UBE2E1: variants seen among roughly 807,000 people sequenced by gnomAD.
The protein encoded by UBE2E1 is ubiquitin-conjugating enzyme E2 E1.
UBE2E1 carries 6 observed loss-of-function variants against 21.4 expected under a neutral mutation model. The ratio of observed to expected loss-of-function variants is 0.28; its 90% CI spans 0.15 to 0.55. The LOEUF is 0.55. UBE2E1 is among the 20% of genes least tolerant of loss of function. The pLI is 0.93. For missense variants in UBE2E1, 142 were observed against 236.5 expected, an observed-to-expected ratio of 0.60 and a Z score of 2.62; for synonymous variants, 87 against 82.7, an observed-to-expected ratio of 1.05 and a Z score of -0.28.
chr3:23,817,421 CAAA>C (rs369690021), intron 3 of UBE2E1, among the ~76,000 whole-genome samples: 1 of 42,358 alleles, frequency 2.4e-5, no homozygotes, highest in Non-Finnish European at 5.0e-5. Context: ...GACTCTGTCT[CAAA>C]AAAAAAAAAA....
At chr3:23,828,231 T>A (rs1699796062) in intron 3 of UBE2E1, among the ~76,000 whole-genome samples, 1 of 152,240 alleles carries the variant, frequency 6.6e-6, no homozygotes, top group Non-Finnish European at 1.5e-5. Flanking sequence ...TTAGTAGTAG[T>A]TGTATAAATG....
chr3:23,860,834 A>G (rs1479117102), intron 3 of UBE2E1, among the ~76,000 whole-genome samples: 1 of 152,250 alleles, frequency 6.6e-6, no homozygotes, highest in Non-Finnish European at 1.5e-5. Flanking sequence ...ATATAATAGT[A>G]AATGAATTCA....
At chr3:23,858,534 G>C (rs1249602199) in intron 3 of UBE2E1, among the ~76,000 whole-genome samples, 1 of 152,062 alleles carries the variant, frequency 6.6e-6, no homozygotes, top group Non-Finnish European at 1.5e-5. Context: ...TGGTCAGGCT[G>C]GTCTTGAACT....
rs1380589735 is a variant in UBE2E1, at chr3:23,876,757, T to C, written c.204-10810T>C. Among the ~76,000 whole-genome samples the C allele has an allele frequency of 6.6e-6, 1 of 152,144 alleles. No individual in the cohort carries two copies. Among genetic ancestry groups the C allele is most frequent in the African/African-American group, 2.4e-5 (1 of 41,432 alleles). Reference sequence around the variant, plus strand: ...TAAATAATATTAATGGTAATTTAAATCTAGAAAATCAGAACTGTGGCTCAC... The same window carrying C: ...TAAATAATATTAATGGTAATTTAAACCTAGAAAATCAGAACTGTGGCTCAC... On this transcript the variant is annotated intron_variant, in intron 3 of 5. Transcript: ENST00000306627. The surrounding 1 kb of genome is among the most constrained non-coding windows in gnomAD (Gnocchi z 4.3).
rs1015232621 is a variant in UBE2E1, at chr3:23,816,708, A to G, written c.203+5198A>G. Among the ~76,000 whole-genome samples, 4 of 151,056 alleles carry G rather than the reference A, an allele frequency of 2.6e-5. No individual in the cohort carries two copies. The highest frequency in any genetic ancestry group is 6.6e-5 in the Admixed American group (1 of 15,230). The stretch of plus-strand genomic sequence containing the variant: ...GGCAACAAAGCGAGGCTCCATCTCA[A>G]AAAAAAAGGTTATACTAAGTGAAAT... On this transcript the variant is annotated intron_variant, in intron 3 of 5. Transcript: ENST00000306627. The surrounding 1 kb of genome is among the most constrained non-coding windows in gnomAD (Gnocchi z 4.8).
intron 4 of UBE2E1, among the ~76,000 whole-genome samples, chr3:23,888,039 G>A (rs971249848): frequency 2.0e-5 from 3 of 152,124 alleles, no homozygotes; most frequent in African/African-American, 7.2e-5. Flanking sequence ...AGGTGCAGTG[G>A]TGTGCACCTG....
chr3:23,853,929 T>G lies in UBE2E1; in HGVS notation c.204-33638T>G, dbSNP rs1700382021. Among the ~76,000 whole-genome samples the G allele has an allele frequency of 6.6e-6, 1 of 152,040 alleles. No individual in the cohort carries two copies. The highest frequency in any genetic ancestry group is 2.4e-5 in the African/African-American group (1 of 41,396). ...AAGTGGGTCTTTTTTTACCCTCCAGTGGTGATAGGCTGACCCAAGCCCAGG... is the reference window on the plus strand; with the variant it reads ...AAGTGGGTCTTTTTTTACCCTCCAGGGGTGATAGGCTGACCCAAGCCCAGG... On this transcript the variant is annotated intron_variant, in intron 3 of 5. Transcript: ENST00000306627. This position sits in a 1 kb window ranked among gnomAD's most constrained non-coding sequence, Gnocchi z 4.1.
intron 3 of UBE2E1, among the ~76,000 whole-genome samples, chr3:23,872,462 C>A (rs1044486246): frequency 6.6e-6 from 1 of 152,060 alleles, no homozygotes; most frequent in Non-Finnish European, 1.5e-5. Flanking sequence ...GAATCAAGCA[C>A]TTATTTTAAT....
chr3:23,864,888 C>T (rs1180259620), intron 3 of UBE2E1, among the ~76,000 whole-genome samples: 1 of 152,230 alleles, frequency 6.6e-6, no homozygotes, highest in Non-Finnish European at 1.5e-5. Context: ...GTCTTACTGT[C>T]CTGCATGCAT....
Position 23,890,848 on chromosome 3 carries a change from G to GT in UBE2E1, c.*242_*243insT. 1 of 353,346 alleles carries GT rather than the reference G, an allele frequency of 2.8e-6. No homozygotes were observed. 21.9% of individuals were successfully genotyped at this position (353,346 alleles called of 1,614,324 possible). A position where few individuals can be genotyped will look rare whatever the true frequency, so the allele number is the denominator to read the frequency against. On this transcript the variant is annotated 3_prime_UTR_variant, in exon 6 of 6. Coordinates refer to ENST00000306627, the MANE Select transcript of UBE2E1 (RefSeq NM_003341.5). Reference sequence around the variant, plus strand: ...GCAATATTAGCTGAAATGTAGTACAGAAAAGAATGTACATTTAGACATTTG... The same window carrying GT: ...GCAATATTAGCTGAAATGTAGTACAGTAAAAGAATGTACATTTAGACATTTG...
intron 3 of UBE2E1, among the ~76,000 whole-genome samples, chr3:23,886,841 G>T (rs1330263781): frequency 1.3e-5 from 2 of 152,186 alleles, no homozygotes; most frequent in Non-Finnish European, 2.9e-5. Flanking sequence ...GTTTTGCTGG[G>T]TGCGGTGGCA....
chr3:23,852,860 G>A (rs547084214), intron 3 of UBE2E1, among the ~76,000 whole-genome samples: 4 of 151,418 alleles, frequency 2.6e-5, no homozygotes, highest in South Asian at 2.1e-4. Flanking sequence ...CCACCTTGGC[G>A]TCCCAGAGTG....
chr3:23,838,876 G>GT (rs35492575), intron 3 of UBE2E1, among the ~76,000 whole-genome samples: 4,751 of 144,366 alleles, frequency 0.033, 97 homozygotes, highest in African/African-American at 0.07. Context: ...TTTGGGTTGA[G>GT]TTTTTTTTTT....
At chr3:23,867,399 G>A (rs1181231207) in intron 3 of UBE2E1, among the ~76,000 whole-genome samples, 1 of 152,062 alleles carries the variant, frequency 6.6e-6, no homozygotes, top group Non-Finnish European at 1.5e-5. Context: ...TTCAAACTTT[G>A]GTTTTGCTTA....
intron 2 of UBE2E1, chr3:23,807,697 T>C (rs1699307370): frequency 3.4e-6 from 1 of 292,026 alleles, no homozygotes; most frequent in East Asian, 6.5e-5. Context: ...CCAAATCTGA[T>C]TTCAGATTTC....
At chr3:23,871,591 G>A (rs1370922687) in intron 3 of UBE2E1, among the ~76,000 whole-genome samples, 4 of 151,788 alleles carry the variant, frequency 2.6e-5, no homozygotes, top group African/African-American at 9.7e-5. Context: ...TGGCTGCCGG[G>A]CAGAGAGGCT....
chr3:23,863,111 A>G lies in UBE2E1; in HGVS notation c.204-24456A>G, dbSNP rs146502721. On this transcript the variant is annotated intron_variant, in intron 3 of 5. Transcript: ENST00000306627. The surrounding 1 kb of genome is among the most constrained non-coding windows in gnomAD (Gnocchi z 4.3). ...TTGCTCTCTAGTGGCAACTACTTGT[A>G]CCTCCTTGAGCCGAGTACTTTGTTG... Among the ~76,000 whole-genome samples the G allele has an allele frequency of 7.1e-4, 107 of 150,378 alleles. No homozygotes were observed. Among genetic ancestry groups the G allele is most frequent in the African/African-American group, 2.5e-3 (103 of 41,076 alleles).
chr3:23,843,257 C>T (rs563346932), intron 3 of UBE2E1, among the ~76,000 whole-genome samples: 1 of 152,154 alleles, frequency 6.6e-6, no homozygotes, highest in African/African-American at 2.4e-5. Context: ...GAGGTTAATG[C>T]CAGTCTTGTT....
chr3:23,819,618 T>A (rs886759872), intron 3 of UBE2E1, among the ~76,000 whole-genome samples: 6 of 152,200 alleles, frequency 3.9e-5, no homozygotes, highest in Non-Finnish European at 8.8e-5. Flanking sequence ...AGGTAAACAA[T>A]ACATATTTGT....
Sources: gnomAD v4.1 joint callset for allele counts (sites outside exome capture counted in the v4.1 genomes callset) on GRCh38, gnomAD v4.1.1 for gene constraint, Gnocchi (gnomAD v3.1) non-coding constraint, MANE v1.5 for transcripts, NCBI Gene and HGNC (gene_info 2026-07-23, HGNC 2026-07-21) for gene names.